TASP1: variants seen among roughly 807,000 people sequenced by gnomAD.
TASP1 encodes taspase 1.
In TASP1, 16 loss-of-function variants were observed where a neutral mutation model predicts 56.6. The ratio of observed to expected loss-of-function variants is 0.28; its 90% CI spans 0.19 to 0.43. The LOEUF (loss-of-function observed/expected upper bound fraction) is 0.43. Ranked by LOEUF, TASP1 falls within the 20% of genes least tolerant of loss-of-function variation. The pLI, the probability that TASP1 is intolerant of heterozygous loss-of-function variation, is 1.00. For synonymous variants in TASP1, 179 were observed against 184.2 expected, an observed-to-expected ratio of 0.97 and a Z score of 0.23; for missense variants, 393 against 511.6, an observed-to-expected ratio of 0.77 and a Z score of 2.24.
At chr20:13,446,460 C>T (rs768784578) in intron 11 of TASP1, among the ~76,000 whole-genome samples, 2 of 152,058 alleles carry the variant, frequency 1.3e-5, no homozygotes, top group Admixed American at 6.6e-5. Flanking sequence ...AAATGTACTA[C>T]AAAAACCACC....
chr20:13,597,630 C>G (rs906233142), intron 4 of TASP1, among the ~76,000 whole-genome samples: 1 of 152,160 alleles, frequency 6.6e-6, no homozygotes, highest in Non-Finnish European at 1.5e-5. Context: ...ACAAGACAAG[C>G]ATGCCCTCTC....
intron 6 of TASP1, among the ~76,000 whole-genome samples, chr20:13,576,576 T>C (rs1601314299): frequency 6.6e-6 from 1 of 152,230 alleles, no homozygotes; most frequent in East Asian, 1.9e-4. Context: ...GTACCAGGTA[T>C]AAATATAATA....
At chr20:13,387,183 C>CT (rs1568732036), downstream of TASP1, among the ~76,000 whole-genome samples, 658 of 94,942 alleles carry the variant, frequency 6.9e-3, 29 homozygotes, top group African/African-American at 0.03. Context: ...GACATGATTT[C>CT]ATTTTTTTTT....
chr20:13,311,535 A>G, the TASP1 span, among the ~76,000 whole-genome samples: 1 of 152,248 alleles, frequency 6.6e-6, no homozygotes, highest in South Asian at 2.1e-4. Context: ...AAATCAACAT[A>G]AGTGTTCATA....
the TASP1 span, chr20:13,270,567 C>A: frequency 1.2e-6 from 2 of 1,613,950 alleles, no homozygotes; most frequent in Non-Finnish European, 8.5e-7. Flanking sequence ...CAAAGAAGCA[C>A]CAAGGGAGCA....
the TASP1 span, among the ~76,000 whole-genome samples, chr20:13,329,419 C>T: frequency 7.2e-5 from 11 of 152,172 alleles, no homozygotes; most frequent in Non-Finnish European, 1.3e-4. Flanking sequence ...CAGAAGAAGT[C>T]AACACCACTA....
chr20:13,295,854 G>A, the TASP1 span, among the ~76,000 whole-genome samples: 406 of 152,306 alleles, frequency 2.7e-3, 1 homozygote, highest in African/African-American at 6.2e-3. Flanking sequence ...AATCACGATA[G>A]ATCCAAAGGT....
At chr20:13,566,764 TAA>T (rs2046543562) in intron 7 of TASP1, among the ~76,000 whole-genome samples, 2 of 152,132 alleles carry the variant, frequency 1.3e-5, no homozygotes, top group Admixed American at 1.3e-4. Context: ...TGGCTATTAT[TAA>T]AAAGTCAAAA....
chr20:13,604,151 T>C (rs2048061638), intron 4 of TASP1, among the ~76,000 whole-genome samples: 1 of 152,190 alleles, frequency 6.6e-6, no homozygotes, highest in Non-Finnish European at 1.5e-5. Context: ...TCTCCCTCAC[T>C]GCAAAATCCC....
chr20:13,420,438 CATTT>C (rs1345045482), intron 12 of TASP1, among the ~76,000 whole-genome samples: 1 of 152,162 alleles, frequency 6.6e-6, no homozygotes. Flanking sequence ...TTTTCACAAA[CATTT>C]ATCCCATCCC....
chr20:13,226,931 G>A, the TASP1 span, among the ~76,000 whole-genome samples: 1 of 152,132 alleles, frequency 6.6e-6, no homozygotes, highest in Admixed American at 6.5e-5. Context: ...TGCGTACAGG[G>A]AGGAATCATA....
At chr20:13,482,195 T>C (rs1184333617) in intron 11 of TASP1, among the ~76,000 whole-genome samples, 1 of 152,184 alleles carries the variant, frequency 6.6e-6, no homozygotes, top group Non-Finnish European at 1.5e-5. Context: ...CGTATGTTCT[T>C]GACAACTTTG....
At chr20:13,599,791 T>TAA (rs35137286) in intron 4 of TASP1, among the ~76,000 whole-genome samples, 3 of 141,566 alleles carry the variant, frequency 2.1e-5, no homozygotes, top group African/African-American at 5.2e-5. Flanking sequence ...ATTCGTGATT[T>TAA]AAAAAAAAAA....
At chr20:13,338,805 G>T in the TASP1 span, among the ~76,000 whole-genome samples, 1 of 152,058 alleles carries the variant, frequency 6.6e-6, no homozygotes, top group African/African-American at 2.4e-5. Context: ...TCAGGAAAAA[G>T]GTAAGCAGTC....
intron 11 of TASP1, among the ~76,000 whole-genome samples, chr20:13,447,364 A>G (rs2043449322): frequency 6.6e-6 from 1 of 152,108 alleles, no homozygotes; most frequent in Non-Finnish European, 1.5e-5. Flanking sequence ...TGTGGCATAC[A>G]CAACTGTTTG....
chr20:13,359,404 C>T, the TASP1 span, among the ~76,000 whole-genome samples: 1 of 151,858 alleles, frequency 6.6e-6, no homozygotes, highest in Non-Finnish European at 1.5e-5. Context: ...CTGACTCCTT[C>T]CCAGATCTTC....
chr20:13,511,940 C>A (rs986650317), intron 10 of TASP1, among the ~76,000 whole-genome samples: 1 of 151,960 alleles, frequency 6.6e-6, no homozygotes, highest in Non-Finnish European at 1.5e-5. Flanking sequence ...TGAACTCATC[C>A]TTTTTTATGG....
the TASP1 span, among the ~76,000 whole-genome samples, chr20:13,183,538 T>C: frequency 3.3e-5 from 5 of 152,278 alleles, no homozygotes; most frequent in Admixed American, 6.5e-5. Flanking sequence ...GATTATCTAC[T>C]AAAAACATAT....
the TASP1 span, among the ~76,000 whole-genome samples, chr20:13,128,937 T>G: frequency 2.0e-5 from 3 of 148,408 alleles, no homozygotes. Flanking sequence ...AGTACAATGG[T>G]GCGATCTCAG....
Sources: gnomAD v4.1 joint callset for allele counts (sites outside exome capture counted in the v4.1 genomes callset) on GRCh38, gnomAD v4.1.1 for gene constraint, MANE v1.5 for transcripts, NCBI Gene and HGNC (gene_info 2026-07-23, HGNC 2026-07-21) for gene names.